Variants in EFCAB6 observed in about 807,000 individuals in gnomAD.
EFCAB6 encodes the protein EF-hand calcium binding domain 6, also known as EF-hand calcium-binding domain-containing protein 6.
EFCAB6 carries 156 observed loss-of-function variants against 169.8 expected under a neutral mutation model. The observed-to-expected ratio is 0.92, with a 90% CI of 0.81 to 1.05. EFCAB6 has a LOEUF of 1.05. Among genes scored for constraint, EFCAB6 ranks in the 50% least tolerant of loss-of-function variants. The pLI is 0.00. For synonymous variants in EFCAB6, 698 were observed against 676.4 expected (o/e 1.03, Z -0.50); for missense variants, 1,800 against 1,829.1 (o/e 0.98, Z 0.29).
At chr22:43,708,469 A>G (rs1456358335) in intron 10 of EFCAB6, among the ~76,000 whole-genome samples, 1 of 152,166 alleles carries the variant, frequency 6.6e-6, no homozygotes, top group East Asian at 1.9e-4. Flanking sequence ...GAGCAGAAGA[A>G]ATAATAATAC....
intron 2 of EFCAB6, among the ~76,000 whole-genome samples, chr22:43,805,474 C>T (rs1182669147): frequency 6.6e-6 from 1 of 152,158 alleles, no homozygotes; most frequent in Admixed American, 6.5e-5. Flanking sequence ...GTTGCATGTT[C>T]TCACTCATAT....
intron 10 of EFCAB6, among the ~76,000 whole-genome samples, chr22:43,697,503 C>A (rs1328418783): frequency 2.0e-5 from 3 of 151,880 alleles, no homozygotes; most frequent in Admixed American, 2.0e-4. Flanking sequence ...TATGGTAGTT[C>A]TTTTTTTTCC....
intron 30 of EFCAB6, 84 bp downstream of exon 30, chr22:43,534,604 G>GA: frequency 7.6e-7 from 1 of 1,310,004 alleles, no homozygotes; most frequent in South Asian, 1.5e-5. Context: ...CTGGGCAATA[G>GA]AGTAAGACCC....
At chr22:43,589,602 A>G (rs180868086) in intron 24 of EFCAB6, among the ~76,000 whole-genome samples, 56 of 152,312 alleles carry the variant, frequency 3.7e-4, no homozygotes, top group African/African-American at 1.3e-3. Context: ...AGCCTGGCCA[A>G]CGTGGTGAAA....
chr22:43,793,628 T>C (rs2062392260), intron 2 of EFCAB6, among the ~76,000 whole-genome samples: 1 of 123,384 alleles, frequency 8.1e-6, no homozygotes, highest in African/African-American at 3.1e-5. Flanking sequence ...CCCCGCAGCA[T>C]CTCCAACTAA....
At chr22:43,641,328 A>T (rs2055783552) in intron 17 of EFCAB6, among the ~76,000 whole-genome samples, 2 of 152,212 alleles carry the variant, frequency 1.3e-5, no homozygotes, top group African/African-American at 4.8e-5. Flanking sequence ...TATTAAGAAT[A>T]CTGTGGACCA....
At chr22:43,575,410 G>A (rs892359594) in intron 26 of EFCAB6, among the ~76,000 whole-genome samples, 2 of 129,068 alleles carry the variant, frequency 1.5e-5, no homozygotes, top group African/African-American at 6.0e-5. Flanking sequence ...GTTTCATCAT[G>A]TGGGCCAGGC....
At chr22:43,686,719 G>A (rs1372579805) in intron 11 of EFCAB6, among the ~76,000 whole-genome samples, 1 of 151,724 alleles carries the variant, frequency 6.6e-6, no homozygotes, top group African/African-American at 2.4e-5. Context: ...CCACAAAATG[G>A]GAATTAACTC....
Position 43,534,876 on chromosome 22 carries a change from C to T in EFCAB6, c.4049-4G>A, listed in dbSNP as rs368345711. ...AGGTTGAATTTCTCCACAAGAGCTACAGAAAAAAATGGCAGTTCAATTGGT... is the reference window on the plus strand; with the variant it reads ...AGGTTGAATTTCTCCACAAGAGCTATAGAAAAAAATGGCAGTTCAATTGGT... On this transcript the variant is annotated splice_region_variant and splice_polypyrimidine_tract_variant and intron_variant, in intron 29 of 31. Coordinates refer to ENST00000262726, the MANE Select transcript of EFCAB6 (RefSeq NM_022785.4). 1.7e-5 allele frequency: 27 copies of T among 1,590,456 alleles called. No individual in the cohort carries two copies. The African/African-American group carries it at 3.3e-4, about 19-fold the overall frequency.
intron 23 of EFCAB6, among the ~76,000 whole-genome samples, chr22:43,591,920 C>T (rs572705186): frequency 1.3e-5 from 2 of 152,172 alleles, no homozygotes; most frequent in Non-Finnish European, 2.9e-5. Context: ...TTTCAACTTA[C>T]CCAGGTCCCT....
intron 24 of EFCAB6, 77 bp from the exon 25 acceptor site, chr22:43,580,736 G>T: frequency 6.8e-7 from 1 of 1,463,390 alleles, no homozygotes; most frequent in Non-Finnish European, 9.3e-7. Flanking sequence ...CAGTTGCTGA[G>T]CACATTGGGC....
intron 13 of EFCAB6, among the ~76,000 whole-genome samples, chr22:43,675,196 GTAATATA>G (rs1210897534): frequency 6.9e-6 from 1 of 144,224 alleles, no homozygotes; most frequent in Non-Finnish European, 1.5e-5. Flanking sequence ...TAGCTAATTT[GTAATATA>G]TAATATATAT....
chr22:43,760,796 A>G (rs1452555343), intron 5 of EFCAB6, among the ~76,000 whole-genome samples: 5 of 151,994 alleles, frequency 3.3e-5, no homozygotes, highest in African/African-American at 1.2e-4. Context: ...GCAAGTAGCT[A>G]GGACCACAGG....
In EFCAB6 at chr22:43,718,063, C is replaced by CCCATCCATCCATCCATCCAT. The variant is rs71188406; in HGVS notation, c.758-1111_758-1092dup. 2.2e-3 allele frequency among the ~76,000 whole-genome samples: 285 copies of CCCATCCATCCATCCATCCAT among 132,010 alleles called. 1 individual carries two copies. Among genetic ancestry groups the CCCATCCATCCATCCATCCAT allele is most frequent in the Middle Eastern group, 0.011 (3 of 264 alleles). The allele number at this position is 132,010 out of a possible 152,430, so 86.6% of individuals were successfully genotyped here. A position where few individuals can be genotyped will look rare whatever the true frequency, so the allele number is the denominator to read the frequency against. On this transcript the variant is annotated intron_variant, in intron 8 of 31. Transcript: ENST00000262726. Reference sequence around the variant, plus strand: ...TTCTATGCATCCATCCATCCATCCACCCATCCATCCATCCATCCATCCATG... The same window carrying CCCATCCATCCATCCATCCAT: ...TTCTATGCATCCATCCATCCATCCACCCATCCATCCATCCATCCATCCATCCATCCATCCATCCATCCATG...
At chr22:43,553,094 A>G (rs1467444537) in intron 27 of EFCAB6, 1 of 152,234 alleles carries the variant, frequency 6.6e-6, no homozygotes, top group South Asian at 2.1e-4. Flanking sequence ...TGGGGCAGTG[A>G]GTTCAGAGCT....
At chr22:43,811,430 T>C (rs2063123408) in intron 1 of EFCAB6, among the ~76,000 whole-genome samples, 1 of 150,442 alleles carries the variant, frequency 6.6e-6, no homozygotes, top group Non-Finnish European at 1.5e-5. Context: ...AAAAGAAGAG[T>C]CCTCTTAACA....
chr22:43,591,035 C>A (rs1410923231), intron 23 of EFCAB6, among the ~76,000 whole-genome samples: 1 of 150,902 alleles, frequency 6.6e-6, no homozygotes, highest in Non-Finnish European at 1.5e-5. Flanking sequence ...ATGTGGTGTG[C>A]ATCAGTGGAC....
chr22:43,684,328 T>C (rs1030552312), intron 11 of EFCAB6, among the ~76,000 whole-genome samples: 4 of 152,152 alleles, frequency 2.6e-5, no homozygotes, highest in African/African-American at 7.2e-5. Context: ...ATGACCATGA[T>C]GCCCTACGTT....
At chr22:43,697,763 A>C (rs2058627866) in intron 10 of EFCAB6, among the ~76,000 whole-genome samples, 1 of 152,152 alleles carries the variant, frequency 6.6e-6, no homozygotes, top group Admixed American at 6.5e-5. Context: ...TATCATTCCC[A>C]GTCCCTCTTT....
Sources: allele counts gnomAD v4.1 joint callset (sites outside exome capture counted in the v4.1 genomes callset), GRCh38; gene constraint gnomAD v4.1.1; transcripts MANE v1.5; gene names NCBI Gene and HGNC (gene_info 2026-07-23, HGNC 2026-07-21).